Variants in LRRC9 observed in about 807,000 individuals in gnomAD.
LRRC9 encodes the protein leucine-rich repeat-containing protein 9.
Under a neutral mutation model 63.2 loss-of-function variants are expected in LRRC9, and 122 were observed. The ratio of observed to expected loss-of-function variants is 1.93; its 90% CI spans 1.67 to 2.24. LRRC9 has a LOEUF of 2.24. Among genes scored for constraint, LRRC9 ranks in the 30% most tolerant of loss-of-function variants. The pLI, the probability that LRRC9 is intolerant of heterozygous loss-of-function variation, is 0.00. For missense variants in LRRC9, 1,071 were observed against 627.7 expected (o/e 1.71, Z -7.55); for synonymous variants, 366 against 213.1 (o/e 1.72, Z -6.25).
At position 59,960,160 on chromosome 14, in the gene LRRC9, G is replaced by A. The variant is rs1884205362; in HGVS notation, c.1079+146G>A. 12 of 501,896 alleles carry A rather than the reference G, an allele frequency of 2.4e-5. No homozygotes were observed. In the South Asian group the frequency reaches 3.8e-4, roughly 16 times the overall value. The allele number at this position is 501,896 out of a possible 1,614,324, so 31.1% of individuals were successfully genotyped here. Reference sequence around the variant, plus strand: ...AGCATGAAATATATTCTTAGTACTAGTTCCTAGTACATATAAGCATCATGG... The same window carrying A: ...AGCATGAAATATATTCTTAGTACTAATTCCTAGTACATATAAGCATCATGG... On this transcript the variant is annotated intron_variant, in intron 9 of 31. Transcript: ENST00000445360.
chr14:60,059,706 G>C (rs992253442), intron 31 of LRRC9, among the ~76,000 whole-genome samples: 1 of 152,298 alleles, frequency 6.6e-6, no homozygotes, highest in African/African-American at 2.4e-5. Flanking sequence ...TGAAAGTGGT[G>C]AGAAAGCTGC....
chr14:60,035,790 G>T (rs1456508665), intron 29 of LRRC9, among the ~76,000 whole-genome samples: 1 of 152,076 alleles, frequency 6.6e-6, no homozygotes, highest in African/African-American at 2.4e-5. Flanking sequence ...CTCCAGCTTT[G>T]TTCTTTTTGC....
At chr14:60,050,082 C>T (rs754481838) in intron 29 of LRRC9, among the ~76,000 whole-genome samples, 5 of 151,388 alleles carry the variant, frequency 3.3e-5, no homozygotes, top group Non-Finnish European at 5.9e-5. Flanking sequence ...CTGCAACCTC[C>T]ACCTCCTGGG....
intron 8 of LRRC9, among the ~76,000 whole-genome samples, chr14:59,952,060 T>C (rs1170146205): frequency 6.6e-6 from 1 of 152,090 alleles, no homozygotes; most frequent in Non-Finnish European, 1.5e-5. Flanking sequence ...TTTGTTTACC[T>C]AAGCAAGCCT....
intron 3 of LRRC9, among the ~76,000 whole-genome samples, chr14:59,929,469 A>C (rs1016921876): frequency 1.3e-5 from 2 of 152,128 alleles, no homozygotes; most frequent in Non-Finnish European, 2.9e-5. Context: ...ATGTTTATAC[A>C]CTGTTGGTGG....
rs1326046831 is a variant in LRRC9, at chr14:59,986,849, G to A, written c.2211+1625G>A. On this transcript the variant is annotated intron_variant, in intron 17 of 31. Transcript: ENST00000445360. This position sits in a 1 kb window ranked among gnomAD's most constrained non-coding sequence, Gnocchi z 4.7. Reference sequence around the variant, plus strand: ...GTCATTTTACAGATAAGGGAACTGGGTAAGTTTTATGCCAAAGTGGTATTT... The same window carrying A: ...GTCATTTTACAGATAAGGGAACTGGATAAGTTTTATGCCAAAGTGGTATTT... Among the ~76,000 whole-genome samples, 1 of 152,090 alleles carries A rather than the reference G, an allele frequency of 6.6e-6. No homozygotes were observed. Among genetic ancestry groups the A allele is most frequent in the Non-Finnish European group, 1.5e-5 (1 of 68,022 alleles).
intron 8 of LRRC9, among the ~76,000 whole-genome samples, chr14:59,955,139 A>C (rs548328193): frequency 6.6e-6 from 1 of 152,328 alleles, no homozygotes; most frequent in African/African-American, 2.4e-5. Context: ...TTTTGGTATC[A>C]GGATGATGCT....
rs138907428 is a variant in LRRC9 at position 59,992,573 on chromosome 14, C to G, written c.2212-5083C>G. ...TTAAAAACCTTGAAAAAAAATTAGA[C>G]GAATGGCTAACTAGAATAACCAATG... On this transcript the variant is annotated intron_variant, in intron 17 of 31. Transcript: ENST00000445360. Among the ~76,000 whole-genome samples the G allele has an allele frequency of 3.4e-3, 511 of 152,120 alleles. 18 individuals are homozygous for G. In the East Asian group the frequency reaches 0.057, roughly 17 times the overall value.
intron 28 of LRRC9, among the ~76,000 whole-genome samples, chr14:60,029,240 A>G (rs1321204833): frequency 6.6e-6 from 1 of 152,098 alleles, no homozygotes; most frequent in Non-Finnish European, 1.5e-5. Flanking sequence ...CCTGGTATCA[A>G]GCTTTATAAA....
chr14:59,933,927 G>A (rs538258452), intron 6 of LRRC9, among the ~76,000 whole-genome samples: 1 of 152,158 alleles, frequency 6.6e-6, no homozygotes, highest in Admixed American at 6.5e-5. Flanking sequence ...AGGTCAATTG[G>A]GTCTCGAATA....
intron 10 of LRRC9, among the ~76,000 whole-genome samples, chr14:59,963,859 TTATA>T (rs1884583480): frequency 6.6e-6 from 1 of 152,214 alleles, no homozygotes; most frequent in Admixed American, 6.5e-5. Flanking sequence ...TATTAAACCT[TTATA>T]TAGGATTATA....
chr14:59,978,062 GC>G lies in LRRC9; in HGVS notation c.1809del (p.Cys603Ter), dbSNP rs747856408. 1.4e-6 allele frequency: 1 copy of G among 702,262 alleles called. No homozygotes were observed. Among genetic ancestry groups the G allele is most frequent in the South Asian group, 1.5e-5 (1 of 67,566 alleles). The allele number at this position is 702,262 out of a possible 1,614,324, so 43.5% of individuals were successfully genotyped here. Reference sequence around the variant, plus strand: ...AACTGTGATTGCAGTGTTCGGCAGTGCAAGTGGTTTGTCTTTGATCATGACC... The same window carrying G: ...AACTGTGATTGCAGTGTTCGGCAGTGAAGTGGTTTGTCTTTGATCATGACC... On this transcript the variant is annotated frameshift_variant, in exon 15 of 32. Transcript: ENST00000445360. LOFTEE classifies it high-confidence loss of function.
At chr14:59,965,647 G>A (rs2139994450) in intron 10 of LRRC9, among the ~76,000 whole-genome samples, 1 of 152,062 alleles carries the variant, frequency 6.6e-6, no homozygotes, top group East Asian at 1.9e-4. Flanking sequence ...GCACTGGGAG[G>A]CCGAGGTGGG....
chr14:59,972,133 G>A (rs1446067448), intron 12 of LRRC9, among the ~76,000 whole-genome samples: 1 of 152,024 alleles, frequency 6.6e-6, no homozygotes, highest in Non-Finnish European at 1.5e-5. Context: ...ATTCTCCTAA[G>A]TACAGCTCAT....
rs1385066001 is a variant in LRRC9, at chr14:59,923,346, G to A, written c.-34+3463G>A. On this transcript the variant is annotated intron_variant, in intron 1 of 31. Transcript: ENST00000445360. This position sits in a 1 kb window ranked among gnomAD's most constrained non-coding sequence, Gnocchi z 4.2. ...ATTGATGAAGAGAAAATAAGTTGAA[G>A]TGAGAGGTAAGATTTGTATCCCAAA... is the stretch of plus-strand genomic sequence containing the variant. Among the ~76,000 whole-genome samples, 3 of 152,314 alleles carry A rather than the reference G, an allele frequency of 2.0e-5. No individual in the cohort carries two copies. The highest frequency in any genetic ancestry group is 6.5e-5 in the Admixed American group (1 of 15,304).
chr14:60,028,430 G>A (rs1328041829), intron 28 of LRRC9, among the ~76,000 whole-genome samples: 2 of 151,912 alleles, frequency 1.3e-5, no homozygotes, highest in Non-Finnish European at 2.9e-5. Context: ...TCTCGATTCC[G>A]GACTTCCTTT....
chr14:60,055,722 G>T (rs1380304298), intron 30 of LRRC9, among the ~76,000 whole-genome samples: 3 of 136,282 alleles, frequency 2.2e-5, no homozygotes, highest in South Asian at 2.3e-4. Context: ...GCAAAACCTT[G>T]TCTCTATTTA....
chr14:60,041,703 G>A (rs190483909), intron 29 of LRRC9, among the ~76,000 whole-genome samples: 8 of 152,134 alleles, frequency 5.3e-5, no homozygotes, highest in South Asian at 2.1e-4. Context: ...CTTTTAGCTC[G>A]GATAAGTTTA....
intron 17 of LRRC9, among the ~76,000 whole-genome samples, chr14:59,989,149 T>C (rs191849550): frequency 3.9e-5 from 6 of 152,242 alleles, no homozygotes; most frequent in Admixed American, 3.3e-4. Flanking sequence ...GGGTTGTTTT[T>C]TTCAGATTCA....
Sources: gnomAD v4.1 joint callset for allele counts (sites outside exome capture counted in the v4.1 genomes callset) on GRCh38, gnomAD v4.1.1 for gene constraint, Gnocchi (gnomAD v3.1) non-coding constraint, MANE v1.5 for transcripts, NCBI Gene and HGNC (gene_info 2026-07-23, HGNC 2026-07-21) for gene names.